Variants in MYL12B observed in about 807,000 individuals in gnomAD.
MYL12B encodes the protein myosin regulatory light chain 12B.
In MYL12B, 3 loss-of-function variants were observed where a neutral mutation model predicts 12.9. That is an observed-to-expected ratio of 0.23 (90% CI 0.11 to 0.60). The LOEUF (loss-of-function observed/expected upper bound fraction) is 0.60, where lower values mean the gene tolerates loss of function less well. Ranked by LOEUF, MYL12B falls within the 20% of genes least tolerant of loss-of-function variation. The probability of loss-of-function intolerance (pLI) is 0.89; values close to 1 mark genes in which losing one functional copy is unlikely to be tolerated. For missense variants in MYL12B, 120 were observed against 215.4 expected (o/e 0.56, Z 2.77); for synonymous variants, 57 against 71.9 (o/e 0.79, Z 1.05).
intron 1 of MYL12B, among the ~76,000 whole-genome samples, chr18:3,269,274 A>G (rs2081658310): frequency 6.6e-6 from 1 of 152,204 alleles, no homozygotes; most frequent in Non-Finnish European, 1.5e-5. Context: ...AGCCCTGCCT[A>G]GAAAACTAAG....
At chr18:3,272,007 T>G (rs2081683223) in intron 1 of MYL12B, 6 of 954,686 alleles carry the variant, frequency 6.3e-6, no homozygotes, top group Non-Finnish European at 7.5e-6. Flanking sequence ...CTGGGCAATA[T>G]AGTGAGAAAC....
chr18:3,266,122 G>A (rs944855036), intron 1 of MYL12B, among the ~76,000 whole-genome samples: 21 of 152,188 alleles, frequency 1.4e-4, no homozygotes, highest in African/African-American at 5.1e-4. Flanking sequence ...AACAATTTTT[G>A]AGGGTCAGAG....
intron 2 of MYL12B, chr18:3,276,709 A>G: frequency 3.6e-6 from 1 of 278,966 alleles, no homozygotes; most frequent in Non-Finnish European, 4.0e-6. Flanking sequence ...CTGGTATTGA[A>G]CTGACTCCCC....
At chr18:3,276,900 G>A in intron 2 of MYL12B, 1 of 951,746 alleles carries the variant, frequency 1.1e-6, no homozygotes. Flanking sequence ...GCAGGGCATG[G>A]TGGCACATGC....
intron 1 of MYL12B, among the ~76,000 whole-genome samples, chr18:3,267,220 G>C (rs912498900): frequency 6.6e-6 from 1 of 152,172 alleles, no homozygotes; most frequent in Non-Finnish European, 1.5e-5. Flanking sequence ...GTGCAGCCAA[G>C]ATTGAAACCA....
Position 3,273,048 on chromosome 18 carries a change from CAAGG to C in MYL12B, c.154_157del (p.Glu52IlefsTer9). ...ATCAGAACAGAGATGGCTTCATCGA[CAAGG>C]AAGATTTGCATGATATGCTTGCTTC... On this transcript the variant is annotated frameshift_variant, in exon 2 of 4. Coordinates refer to ENST00000237500, the MANE Select transcript of MYL12B (RefSeq NM_033546.4). LOFTEE classifies it high-confidence loss of function. 6.2e-7 allele frequency: 1 copy of C among 1,606,606 alleles called. No individual in the cohort carries two copies. Among genetic ancestry groups the C allele is most frequent in the Non-Finnish European group, 8.5e-7 (1 of 1,175,884 alleles).
intron 2 of MYL12B, among the ~76,000 whole-genome samples, chr18:3,276,251 T>C (rs1429905420): frequency 6.7e-6 from 1 of 149,954 alleles, no homozygotes; most frequent in Admixed American, 6.6e-5. Context: ...TGAATGCCAG[T>C]TCTGCCACTT....
chr18:3,276,235 TG>T (rs773272807), intron 2 of MYL12B, among the ~76,000 whole-genome samples: 12 of 150,154 alleles, frequency 8.0e-5, no homozygotes, highest in Non-Finnish European at 1.3e-4. Flanking sequence ...TCTGGAATAC[TG>T]GGTTTGAATG....
In MYL12B at chr18:3,277,311, C is replaced by T; in HGVS notation, c.243C>T (p.Ile81=). The T allele has an allele frequency of 6.2e-7, 1 of 1,613,974 alleles. No individual in the cohort carries two copies. Among genetic ancestry groups the T allele is most frequent in the East Asian group, 2.2e-5 (1 of 44,870 alleles). ...TGATGAATGAGGCCCCAGGGCCCAT[C>T]AATTTCACCATGTTCCTGACCATGT... The part of the protein sequence containing the change: ...DAMMNEAPGP[I]NFTMFLTMFG... The change falls in exon 3 of 4, where the codon ATC becomes ATT. Residue 81 remains isoleucine, a synonymous_variant. Coordinates refer to ENST00000237500, the MANE Select transcript of MYL12B (RefSeq NM_033546.4).
At chr18:3,262,977 C>T (rs965750085) in intron 1 of MYL12B, 5 of 152,180 alleles carry the variant, frequency 3.3e-5, no homozygotes, top group Admixed American at 6.5e-5. Flanking sequence ...TGGATTCAAC[C>T]TTAAGAGGGA....
At chr18:3,274,849 T>C (rs927835169) in intron 2 of MYL12B, among the ~76,000 whole-genome samples, 4 of 152,236 alleles carry the variant, frequency 2.6e-5, no homozygotes. Flanking sequence ...GGAACCTTCA[T>C]ACATTATTGG....
At position 3,277,902 on chromosome 18, in the gene MYL12B, A is replaced by T. The variant is rs901460428; in HGVS notation, c.484A>T (p.Ile162Phe). 1 of 1,614,048 alleles carries T rather than the reference A, an allele frequency of 6.2e-7. No homozygotes were observed. Among genetic ancestry groups the T allele is most frequent in the Non-Finnish European group, 8.5e-7 (1 of 1,179,960 alleles). Reference sequence around the variant, plus strand: ...TTTCAATTACATCGAGTTCACACGCATCCTGAAACATGGAGCCAAAGACAA... The same window carrying T: ...TTTCAATTACATCGAGTTCACACGCTTCCTGAAACATGGAGCCAAAGACAA... ...GNFNYIEFTR[I>F]LKHGAKDKDD Residue 162 changes from isoleucine to phenylalanine, a missense_variant, in exon 4 of 4, where the codon ATC (isoleucine) becomes TTC (phenylalanine). Coordinates refer to ENST00000237500, the MANE Select transcript of MYL12B (RefSeq NM_033546.4).
intron 1 of MYL12B, chr18:3,263,145 AG>A (rs1256128859): frequency 6.6e-6 from 1 of 152,262 alleles, no homozygotes; most frequent in African/African-American, 2.4e-5. Flanking sequence ...ATAGGTAAGT[AG>A]GACCTTCTTA....
intron 2 of MYL12B, among the ~76,000 whole-genome samples, chr18:3,273,861 T>TTTTTC (rs57723482): frequency 0.53 from 75,359 of 142,728 alleles, 23,172 homozygotes; most frequent in Non-Finnish European, 0.68. Flanking sequence ...GTTTTTTTTT[T>TTTTTC]CTCTCTTTTA....
At chr18:3,266,788 C>T (rs2144354133) in intron 1 of MYL12B, among the ~76,000 whole-genome samples, 1 of 152,282 alleles carries the variant, frequency 6.6e-6, no homozygotes, top group South Asian at 2.1e-4. Context: ...TTTTAAAGGT[C>T]ATCCTGGGGA....
chr18:3,276,341 C>A, intron 2 of MYL12B: 2 of 745,368 alleles, frequency 2.7e-6, no homozygotes, highest in Non-Finnish European at 3.3e-6. Context: ...CTGCTTTTCC[C>A]ACACCACGGG....
chr18:3,265,015 T>G (rs1791064), intron 1 of MYL12B, among the ~76,000 whole-genome samples: 145,088 of 152,258 alleles, frequency 0.95, 69,185 homozygotes, highest in Non-Finnish European at 0.98. Context: ...CAGCCAACTG[T>G]AATGATCATA....
chr18:3,276,493 A>G (rs1033812968), intron 2 of MYL12B: 132 of 984,916 alleles, frequency 1.3e-4, no homozygotes, highest in Middle Eastern at 5.2e-4. Flanking sequence ...CCCATTACAA[A>G]CAATACCAAA....
chr18:3,277,467 CT>C (rs1555636370), intron 3 of MYL12B, 53 bp downstream of exon 3: 2 of 1,561,872 alleles, frequency 1.3e-6, no homozygotes, highest in Non-Finnish European at 1.7e-6. Flanking sequence ...TAAAGTACTT[CT>C]GTGAAATAGA....
Sources: allele counts gnomAD v4.1 joint callset (sites outside exome capture counted in the v4.1 genomes callset), GRCh38; gene constraint gnomAD v4.1.1; transcripts MANE v1.5; gene names NCBI Gene and HGNC (gene_info 2026-07-23, HGNC 2026-07-21).